Variants in DPP6 observed in about 807,000 individuals in gnomAD.
DPP6 encodes dipeptidyl peptidase like 6, also known as A-type potassium channel modulatory protein DPP6.
Under a neutral mutation model 122.6 loss-of-function variants are expected in DPP6, and 69 were observed. That is an observed-to-expected ratio of 0.56 (90% CI 0.46 to 0.69). DPP6 has a LOEUF of 0.69. Among genes scored for constraint, DPP6 ranks in the 30% least tolerant of loss-of-function variants. The probability of loss-of-function intolerance (pLI) is 0.00; values close to 1 mark genes in which losing one functional copy is unlikely to be tolerated. For synonymous variants in DPP6, 418 were observed against 433.1 expected (o/e 0.97, Z 0.43); for missense variants, 928 against 1,116.9 (o/e 0.83, Z 2.41).
chr7:154,354,720 T>G (rs367652095), intron 1 of DPP6, among the ~76,000 whole-genome samples: 24 of 152,340 alleles, frequency 1.6e-4, no homozygotes, highest in African/African-American at 5.5e-4. Context: ...TAGTACTGGT[T>G]CACTCTTCGC....
intron 2 of DPP6, among the ~76,000 whole-genome samples, chr7:154,462,600 G>T (rs928464800): frequency 1.3e-5 from 2 of 151,544 alleles, no homozygotes; most frequent in African/African-American, 4.9e-5. Flanking sequence ...TAATTCCTGG[G>T]TATTTTATTT....
In DPP6 at chr7:154,102,502, G is replaced by A. The variant is rs978351721; in HGVS notation, c.243+49439G>A. ...CTGTGCCCAGCCAAGCCCCTTTTTA[G>A]TTTCTGTGGGGACCCCTCATTCAGC... On this transcript the variant is annotated intron_variant, in intron 1 of 25. Coordinates refer to ENST00000377770, the MANE Select transcript of DPP6 (RefSeq NM_130797.4). Among the ~76,000 whole-genome samples the A allele has an allele frequency of 3.3e-5, 5 of 152,044 alleles. No homozygotes were observed. The South Asian group carries it at 8.3e-4, about 25-fold the overall frequency.
At chr7:154,696,529 C>T (rs886474641) in intron 7 of DPP6, among the ~76,000 whole-genome samples, 1 of 152,198 alleles carries the variant, frequency 6.6e-6, no homozygotes, top group Non-Finnish European at 1.5e-5. Flanking sequence ...ATTTCTTTGA[C>T]CCCACTACAG....
At chr7:154,665,149 T>G (rs1056918431) in intron 6 of DPP6, among the ~76,000 whole-genome samples, 5 of 152,198 alleles carry the variant, frequency 3.3e-5, no homozygotes, top group Non-Finnish European at 7.3e-5. Context: ...ATTTGGGTTT[T>G]TCCCAGTGTT....
At chr7:154,062,635 C>T (rs1390279678) in intron 1 of DPP6, among the ~76,000 whole-genome samples, 1 of 48,810 alleles carries the variant, frequency 2.0e-5, no homozygotes, top group African/African-American at 1.4e-4. Flanking sequence ...GCTCTTAGGA[C>T]CCCCATCGCA....
At chr7:154,065,378 C>A (rs1430435576) in intron 1 of DPP6, among the ~76,000 whole-genome samples, 1 of 147,294 alleles carries the variant, frequency 6.8e-6, no homozygotes, top group East Asian at 2.0e-4. Flanking sequence ...GGGACACCTC[C>A]CATCACTGGC....
At chr7:153,863,830 G>A in the DPP6 span, among the ~76,000 whole-genome samples, 4 of 152,114 alleles carry the variant, frequency 2.6e-5, no homozygotes, top group Admixed American at 1.3e-4. Context: ...CATGAACTAC[G>A]TGGTCTTTCA....
At chr7:154,327,170 T>G (rs1200876434) in intron 1 of DPP6, among the ~76,000 whole-genome samples, 1 of 152,002 alleles carries the variant, frequency 6.6e-6, no homozygotes, top group Non-Finnish European at 1.5e-5. Flanking sequence ...CCAGGCAAAG[T>G]GGAGAATGAA....
At chr7:153,873,816 A>G in the DPP6 span, among the ~76,000 whole-genome samples, 28 of 152,368 alleles carry the variant, frequency 1.8e-4, no homozygotes, top group South Asian at 5.8e-3. Context: ...CTTCATGTCC[A>G]AAAGATGGAA....
chr7:154,670,103 AC>A (rs1838463522), intron 7 of DPP6, among the ~76,000 whole-genome samples: 1 of 151,480 alleles, frequency 6.6e-6, no homozygotes, highest in Non-Finnish European at 1.5e-5. Context: ...CAGGCAATCC[AC>A]CCGCCTCAGC....
intron 1 of DPP6, among the ~76,000 whole-genome samples, chr7:153,960,551 T>C (rs1306144527): frequency 6.6e-6 from 1 of 150,448 alleles, no homozygotes; most frequent in Non-Finnish European, 1.5e-5. Context: ...CTTTATTTTT[T>C]CATAGGAAAT....
At chr7:154,151,503 G>A (rs1386412082) in intron 1 of DPP6, among the ~76,000 whole-genome samples, 2 of 152,308 alleles carry the variant, frequency 1.3e-5, no homozygotes, top group East Asian at 1.9e-4. Context: ...GCTTCCAATT[G>A]TGTTCGACGG....
intron 1 of DPP6, among the ~76,000 whole-genome samples, chr7:154,060,744 G>A (rs534245729): frequency 7.0e-6 from 1 of 141,894 alleles, no homozygotes; most frequent in South Asian, 2.3e-4. Context: ...GCGAGGCAGG[G>A]ACTGAGAGCC....
chr7:154,830,025 A>G lies in DPP6; in HGVS notation c.1666+22913A>G, dbSNP rs1022222259. ...TCACCACCCGATAGCTCCTTCCCAG[A>G]CTTTCAGGCCGTCAAAATCCTCACC... On this transcript the variant is annotated intron_variant, in intron 16 of 25. Transcript: ENST00000377770. Among the ~76,000 whole-genome samples, 14 of 152,164 alleles carry G rather than the reference A, an allele frequency of 9.2e-5. No individual in the cohort carries two copies. In the South Asian group the frequency reaches 2.7e-3, roughly 29 times the overall value.
chr7:154,254,856 A>G (rs1277648559), intron 1 of DPP6, among the ~76,000 whole-genome samples: 1 of 152,180 alleles, frequency 6.6e-6, no homozygotes, highest in East Asian at 1.9e-4. Flanking sequence ...GCAAGATTCA[A>G]AGGTAGGACA....
At chr7:154,817,763 C>G (rs6951256) in intron 16 of DPP6, among the ~76,000 whole-genome samples, 150 of 8,142 alleles carry the variant, frequency 0.018, 3 homozygotes, top group South Asian at 0.04. Context: ...TGAATGTCCT[C>G]AGTGATTGAT....
the DPP6 span, among the ~76,000 whole-genome samples, chr7:153,812,474 A>C: frequency 6.6e-6 from 1 of 152,072 alleles, no homozygotes; most frequent in Non-Finnish European, 1.5e-5. Flanking sequence ...CCAGTTCTGC[A>C]TGTGGCTAAA....
intron 7 of DPP6, among the ~76,000 whole-genome samples, chr7:154,711,912 A>C (rs1841204251): frequency 6.6e-6 from 1 of 151,554 alleles, no homozygotes; most frequent in South Asian, 2.1e-4. Context: ...GGTTTAAGAA[A>C]TATTAAGGGT....
At chr7:154,124,040 C>CG (rs1807703761) in intron 1 of DPP6, among the ~76,000 whole-genome samples, 1 of 151,748 alleles carries the variant, frequency 6.6e-6, no homozygotes, top group African/African-American at 2.4e-5. Flanking sequence ...CGCCCACGCA[C>CG]GGGGCTTACC....
Sources: allele counts gnomAD v4.1 joint callset (sites outside exome capture counted in the v4.1 genomes callset), GRCh38; gene constraint gnomAD v4.1.1; transcripts MANE v1.5; gene names NCBI Gene and HGNC (gene_info 2026-07-23, HGNC 2026-07-21).